TNNI3K: variants seen among roughly 807,000 people sequenced by gnomAD.
The protein encoded by TNNI3K is TNNI3 interacting kinase, also known as serine/threonine-protein kinase TNNI3K.
TNNI3K carries 140 observed loss-of-function variants against 114.5 expected under a neutral mutation model. That is an observed-to-expected ratio of 1.22 (90% CI 1.07 to 1.41). TNNI3K has a LOEUF of 1.41. Ranked by LOEUF, TNNI3K falls within the 40% of genes most tolerant of loss-of-function variation. The pLI is 0.00. For missense variants in TNNI3K, 1,125 were observed against 1,007.6 expected, an observed-to-expected ratio of 1.12 and a Z score of -1.58; for synonymous variants, 347 against 347.5, an observed-to-expected ratio of 1.00 and a Z score of 0.02.
intron 9 of TNNI3K, among the ~76,000 whole-genome samples, chr1:74,349,812 G>T (rs192780443): frequency 2.0e-5 from 3 of 152,130 alleles, no homozygotes; most frequent in Non-Finnish European, 4.4e-5. Flanking sequence ...GGGATCGGTG[G>T]TGATATCCCC....
chr1:74,480,475 G>C (rs1668432880), intron 21 of TNNI3K: 2 of 717,394 alleles, frequency 2.8e-6, no homozygotes, highest in Non-Finnish European at 2.6e-6. Context: ...CCGGCATGTG[G>C]GCTAACCTAT....
At chr1:74,532,965 G>A (rs1646609698) in intron 23 of TNNI3K, among the ~76,000 whole-genome samples, 1 of 152,130 alleles carries the variant, frequency 6.6e-6, no homozygotes, top group Non-Finnish European at 1.5e-5. Context: ...AAAAGCCCTA[G>A]AATAAAACCT....
chr1:74,446,167 G>A (rs1666662331), intron 20 of TNNI3K, among the ~76,000 whole-genome samples: 1 of 152,100 alleles, frequency 6.6e-6, no homozygotes, highest in South Asian at 2.1e-4. Flanking sequence ...CAGTGTAAAA[G>A]TGTTCCTGTT....
chr1:74,432,801 A>T (rs1363723715), intron 17 of TNNI3K, among the ~76,000 whole-genome samples: 2 of 152,032 alleles, frequency 1.3e-5, no homozygotes, highest in African/African-American at 4.8e-5. Flanking sequence ...ATCTAATTAT[A>T]GCAGTCCTGC....
At chr1:74,236,333 C>CT in intron 2 of TNNI3K, 123 bp downstream of exon 2, 1 of 730,474 alleles carries the variant, frequency 1.4e-6, no homozygotes. Context: ...TGTTCTAAGC[C>CT]TTAGGATGTC....
chr1:74,475,079 G>C (rs1354977597), intron 21 of TNNI3K, among the ~76,000 whole-genome samples: 1 of 148,342 alleles, frequency 6.7e-6, no homozygotes, highest in Non-Finnish European at 1.5e-5. Flanking sequence ...TGCACTGTCA[G>C]CTCCTAAAAG....
At chr1:74,445,612 C>CTTTTTTTTTT (rs773728606) in intron 20 of TNNI3K, among the ~76,000 whole-genome samples, 1 of 131,440 alleles carries the variant, frequency 7.6e-6, no homozygotes. Context: ...TCTTTTTTTT[C>CTTTTTTTTTT]TTTTTTTCTT....
chr1:74,312,529 G>T lies in TNNI3K; in HGVS notation c.445-18921G>T, dbSNP rs565028271. On this transcript the variant is annotated intron_variant, in intron 5 of 24. Coordinates refer to ENST00000326637, the MANE Select transcript of TNNI3K (RefSeq NM_015978.3). Reference sequence around the variant, plus strand: ...CTGATCTTGCCTTTGCAGGCTGACTGGAAGATGACAATGAGATCTTGTATA... The same window carrying T: ...CTGATCTTGCCTTTGCAGGCTGACTTGAAGATGACAATGAGATCTTGTATA... 1.4e-4 allele frequency among the ~76,000 whole-genome samples: 21 copies of T among 152,314 alleles called. No individual in the cohort carries two copies. In the South Asian group the frequency reaches 4.3e-3, roughly 32 times the overall value.
intron 9 of TNNI3K, among the ~76,000 whole-genome samples, chr1:74,350,411 G>T (rs564129380): frequency 2.0e-5 from 3 of 152,272 alleles, no homozygotes; most frequent in Admixed American, 6.5e-5. Context: ...TTTAGAATAG[G>T]TGTGGTGTGG....
At chr1:74,287,170 CAAAA>C (rs778807498) in intron 5 of TNNI3K, among the ~76,000 whole-genome samples, 2 of 151,606 alleles carry the variant, frequency 1.3e-5, no homozygotes, top group Non-Finnish European at 2.9e-5. Context: ...CTCAGATAAA[CAAAA>C]AGGAGAAAAA....
At chr1:74,397,598 T>C (rs1396589573) in intron 17 of TNNI3K, among the ~76,000 whole-genome samples, 2 of 152,176 alleles carry the variant, frequency 1.3e-5, no homozygotes, top group African/African-American at 4.8e-5. Flanking sequence ...ATTCAGCCAG[T>C]TTCTTATGAA....
At chr1:74,317,253 G>T (rs1659365599) in intron 5 of TNNI3K, among the ~76,000 whole-genome samples, 2 of 152,152 alleles carry the variant, frequency 1.3e-5, no homozygotes, top group South Asian at 4.1e-4. Flanking sequence ...TGATCACTTG[G>T]CTTACAACCT....
chr1:74,236,141 C>T lies in TNNI3K; in HGVS notation c.80C>T (p.Thr27Ile). Residue 27 changes from threonine (T) to isoleucine (I), a missense_variant, in exon 2 of 25, where the codon ACA (threonine) becomes ATA (isoleucine). By Grantham distance (89) the Thr-to-Ile change is moderately conservative. Coordinates refer to ENST00000326637, the MANE Select transcript of TNNI3K (RefSeq NM_015978.3). ...AAAGTCAGTGAATCATATGTTATCACAATAGAAAGATTAGAAGATGACCTG... is the reference window on the plus strand; with the variant it reads ...AAAGTCAGTGAATCATATGTTATCATAATAGAAAGATTAGAAGATGACCTG... Reference protein sequence around the residue: ...KKKVSESYVITIERLEDDLQI... With the variant: ...KKKVSESYVIIIERLEDDLQI... 4.4e-6 allele frequency: 7 copies of T among 1,607,728 alleles called. No individual in the cohort carries two copies. Among genetic ancestry groups the T allele is most frequent in the Non-Finnish European group, 6.0e-6 (7 of 1,175,890 alleles).
At chr1:74,396,448 G>T (rs1159266210) in intron 17 of TNNI3K, among the ~76,000 whole-genome samples, 1 of 152,138 alleles carries the variant, frequency 6.6e-6, no homozygotes, top group Non-Finnish European at 1.5e-5. Flanking sequence ...GGCCACTCTT[G>T]GAAGATCACC....
At chr1:74,502,491 T>C (rs951071867) in intron 23 of TNNI3K, among the ~76,000 whole-genome samples, 8 of 152,230 alleles carry the variant, frequency 5.3e-5, no homozygotes, top group African/African-American at 1.9e-4. Context: ...GCCTGTCCGG[T>C]AGTGTTTTCA....
Position 74,491,543 on chromosome 1 carries a change from T to A in TNNI3K, c.2182-554T>A, listed in dbSNP as rs139006580. 2.0e-5 allele frequency among the ~76,000 whole-genome samples: 3 copies of A among 152,284 alleles called. No individual in the cohort carries two copies. In the East Asian group the frequency reaches 5.8e-4, roughly 29 times the overall value. On this transcript the variant is annotated intron_variant, in intron 22 of 24. Coordinates refer to ENST00000326637, the MANE Select transcript of TNNI3K (RefSeq NM_015978.3). ...GTGTGAGCCACCACACCCAGCCAAG[T>A]CCAACAGGTGTTTTAAACATCTGAA...
chr1:74,482,437 TGA>T (rs1193673906), intron 21 of TNNI3K, among the ~76,000 whole-genome samples: 1 of 152,200 alleles, frequency 6.6e-6, no homozygotes, highest in Non-Finnish European at 1.5e-5. Context: ...TTTTAGATGG[TGA>T]GAGTTTAGTG....
chr1:74,511,280 C>T (rs1670207784), intron 23 of TNNI3K, among the ~76,000 whole-genome samples: 1 of 151,896 alleles, frequency 6.6e-6, no homozygotes, highest in Admixed American at 6.6e-5. Flanking sequence ...ACAACCTCTG[C>T]CTCCCGGGTT....
intron 11 of TNNI3K, among the ~76,000 whole-genome samples, chr1:74,359,290 A>T (rs1661827907): frequency 2.0e-5 from 3 of 152,192 alleles, no homozygotes; most frequent in Non-Finnish European, 4.4e-5. Flanking sequence ...CACATAACAG[A>T]GTCTCAATAA....
Sources: allele counts gnomAD v4.1 joint callset (sites outside exome capture counted in the v4.1 genomes callset), GRCh38; gene constraint gnomAD v4.1.1; transcripts MANE v1.5; gene names NCBI Gene and HGNC (gene_info 2026-07-23, HGNC 2026-07-21).